Variants in CENPP observed in about 807,000 individuals in gnomAD.
CENPP encodes the protein centromere protein P.
In CENPP, 24 loss-of-function variants were observed where a neutral mutation model predicts 35.6. That is an observed-to-expected ratio of 0.67 (90% CI 0.49 to 0.95). CENPP has a LOEUF of 0.95. Ranked by LOEUF, CENPP falls within the 40% of genes least tolerant of loss-of-function variation. The probability of loss-of-function intolerance (pLI) is 0.00; values close to 1 mark genes in which losing one functional copy is unlikely to be tolerated. For missense variants in CENPP, 332 were observed against 345.3 expected, an observed-to-expected ratio of 0.96 and a Z score of 0.31; for synonymous variants, 120 against 125.5, an observed-to-expected ratio of 0.96 and a Z score of 0.29.
chr9:92,447,254 A>T (rs1564324601), intron 5 of CENPP, among the ~76,000 whole-genome samples: 1 of 152,004 alleles, frequency 6.6e-6, no homozygotes, highest in Non-Finnish European at 1.5e-5. Context: ...TATATAATGA[A>T]ATAATTATAC....
At chr9:92,404,769 T>G (rs1489159741) in intron 5 of CENPP, 1 of 592,214 alleles carries the variant, frequency 1.7e-6, no homozygotes, top group African/African-American at 2.1e-5. Flanking sequence ...TCAACTAATT[T>G]GACTATAAAC....
chr9:92,419,372 C>T (rs1315706234), intron 5 of CENPP, among the ~76,000 whole-genome samples: 1 of 146,382 alleles, frequency 6.8e-6, no homozygotes, highest in Non-Finnish European at 1.5e-5. Flanking sequence ...GCGATCTCGG[C>T]TCACTGCAGC....
intron 5 of CENPP, among the ~76,000 whole-genome samples, chr9:92,602,614 G>T (rs1850952350): frequency 1.3e-5 from 2 of 152,194 alleles, no homozygotes; most frequent in Admixed American, 1.3e-4. Context: ...GGGACAGCTG[G>T]GGACATCTGA....
At chr9:92,586,688 AT>A (rs531866635) in intron 5 of CENPP, among the ~76,000 whole-genome samples, 20 of 148,254 alleles carry the variant, frequency 1.3e-4, no homozygotes, top group Admixed American at 2.7e-4. Context: ...TGGGAGAATC[AT>A]TTTTTTTTTT....
At chr9:92,526,222 A>G (rs1297395541) in intron 5 of CENPP, among the ~76,000 whole-genome samples, 1 of 152,196 alleles carries the variant, frequency 6.6e-6, no homozygotes, top group East Asian at 1.9e-4. Flanking sequence ...TGTTTGTCTC[A>G]GTTTTTAACA....
At chr9:92,328,542 TTAATA>T (rs1378042195) in intron 1 of CENPP, among the ~76,000 whole-genome samples, 2 of 152,118 alleles carry the variant, frequency 1.3e-5, no homozygotes, top group Non-Finnish European at 2.9e-5. Flanking sequence ...ACTAATTGAG[TTAATA>T]TATGTAGTTC....
chr9:92,544,543 GTT>G (rs74490244), intron 5 of CENPP, among the ~76,000 whole-genome samples: 5 of 116,670 alleles, frequency 4.3e-5, no homozygotes, highest in East Asian at 2.0e-4. Flanking sequence ...TTGTTGAGGG[GTT>G]TTTTTTTTTA....
At chr9:92,556,755 G>A (rs766436443) in intron 5 of CENPP, among the ~76,000 whole-genome samples, 61 of 152,226 alleles carry the variant, frequency 4.0e-4, no homozygotes, top group Non-Finnish European at 1.3e-4. Context: ...CCTGAAGGCA[G>A]CGGATAGTTG....
chr9:92,412,581 G>A (rs1458544789), intron 5 of CENPP, among the ~76,000 whole-genome samples: 1 of 152,182 alleles, frequency 6.6e-6, no homozygotes. Flanking sequence ...CCCAGTTCTG[G>A]ACATTTCATA....
chr9:92,393,365 A>G (rs1842766438), intron 5 of CENPP: 1 of 715,738 alleles, frequency 1.4e-6, no homozygotes, highest in East Asian at 2.8e-5. Context: ...TTACAGAATC[A>G]TAAGAAAGAT....
In CENPP at chr9:92,554,191, T is replaced by C. The variant is rs558783150; in HGVS notation, c.565-57123T>C. ...CATGTGATTTTTGTTTTTAATTCTT[T>C]TTTTTTTTTGAGACGGAGTTTCGCT... is the stretch of plus-strand genomic sequence containing the variant. On this transcript the variant is annotated intron_variant, in intron 5 of 7. Transcript: ENST00000375587. 5.3e-5 allele frequency among the ~76,000 whole-genome samples: 8 copies of C among 152,082 alleles called. No homozygotes were observed. The East Asian group carries it at 1.5e-3, about 29-fold the overall frequency.
chr9:92,326,638 A>T (rs572172037), intron 1 of CENPP, among the ~76,000 whole-genome samples: 75 of 152,320 alleles, frequency 4.9e-4, no homozygotes, highest in African/African-American at 1.8e-3. Flanking sequence ...AGTTGAAGAA[A>T]CTGAGGCTCA....
intron 3 of CENPP, among the ~76,000 whole-genome samples, chr9:92,344,623 C>CTGCA: frequency 6.6e-6 from 1 of 152,076 alleles, no homozygotes; most frequent in East Asian, 2.0e-4. Context: ...TCTTGGCTCG[C>CTGCA]TGCAACCTCT....
At chr9:92,418,617 G>C (rs142748280) in intron 5 of CENPP, among the ~76,000 whole-genome samples, 51 of 152,192 alleles carry the variant, frequency 3.4e-4, no homozygotes, top group African/African-American at 1.2e-3. Context: ...TCACTGCCTG[G>C]GGGAGGAAAG....
intron 3 of CENPP, among the ~76,000 whole-genome samples, chr9:92,337,982 G>A (rs1331139943): frequency 2.6e-5 from 4 of 152,104 alleles, no homozygotes; most frequent in African/African-American, 4.8e-5. Flanking sequence ...ATCTATTGCT[G>A]CTTAACCAGT....
chr9:92,453,636 A>G (rs1459833535), intron 5 of CENPP, among the ~76,000 whole-genome samples: 1 of 152,140 alleles, frequency 6.6e-6, no homozygotes, highest in African/African-American at 2.4e-5. Context: ...CCACACAATA[A>G]TAATGGGAGA....
At position 92,437,220 on chromosome 9, in the gene CENPP, T is replaced by C. The variant is rs77395836; in HGVS notation, c.564+57361T>C. 4.8e-3 allele frequency among the ~76,000 whole-genome samples: 735 copies of C among 152,176 alleles called. 4 individuals are homozygous for C. The highest frequency in any genetic ancestry group is 0.015 in the African/African-American group (639 of 41,534). ...TCTGTCTCAAAAATAAATAAATAAA[T>C]CTTGCTGGGATTTTGGTAGGAATTA... On this transcript the variant is annotated intron_variant, in intron 5 of 7. Transcript: ENST00000375587.
intron 5 of CENPP, among the ~76,000 whole-genome samples, chr9:92,537,100 T>G (rs1399758200): frequency 6.6e-6 from 1 of 151,708 alleles, no homozygotes; most frequent in East Asian, 2.0e-4. Context: ...GGTCTCGAAC[T>G]CTTGACCTCA....
intron 5 of CENPP, among the ~76,000 whole-genome samples, chr9:92,544,921 A>G (rs1368200808): frequency 1.3e-5 from 2 of 152,018 alleles, no homozygotes; most frequent in Non-Finnish European, 2.9e-5. Flanking sequence ...TGGTTTCACC[A>G]TGTTGGTCAG....
Sources: gnomAD v4.1 joint callset for allele counts (sites outside exome capture counted in the v4.1 genomes callset) on GRCh38, gnomAD v4.1.1 for gene constraint, MANE v1.5 for transcripts, NCBI Gene and HGNC (gene_info 2026-07-23, HGNC 2026-07-21) for gene names.